Variants in ACBD6 observed in about 807,000 individuals in gnomAD.
The protein encoded by ACBD6 is acyl-CoA binding domain containing 6, also known as acyl-CoA-binding domain-containing protein 6.
Under a neutral mutation model 37.2 loss-of-function variants are expected in ACBD6, and 28 were observed. The observed-to-expected ratio is 0.75, with a 90% confidence interval of 0.56 to 1.03. The LOEUF (loss-of-function observed/expected upper bound fraction) is 1.03. Among genes scored for constraint, ACBD6 ranks in the 50% least tolerant of loss-of-function variants. The pLI is 0.00. For missense variants in ACBD6, 340 were observed against 337.4 expected (o/e 1.01, Z -0.06); for synonymous variants, 113 against 126.8 (o/e 0.89, Z 0.73).
At chr1:180,426,546 C>G (rs949768836) in intron 4 of ACBD6, among the ~76,000 whole-genome samples, 2 of 152,134 alleles carry the variant, frequency 1.3e-5, no homozygotes, top group Non-Finnish European at 2.9e-5. Flanking sequence ...TTGTTACTCT[C>G]GTTTCTATAG....
At chr1:180,379,462 T>A (rs1362741402) in intron 6 of ACBD6, among the ~76,000 whole-genome samples, 1 of 151,890 alleles carries the variant, frequency 6.6e-6, no homozygotes, top group Non-Finnish European at 1.5e-5. Flanking sequence ...CTAAATAAGC[T>A]CAGTGAAATA....
At position 180,357,806 on chromosome 1, in the gene ACBD6, G is replaced by A. The variant is rs1009324666; in HGVS notation, c.663+39710C>T. Among the ~76,000 whole-genome samples, 3 of 152,282 alleles carry A rather than the reference G, an allele frequency of 2.0e-5. No homozygotes were observed. In the South Asian group the frequency reaches 6.2e-4, roughly 32 times the overall value. On this transcript the variant is annotated intron_variant, in intron 6 of 7. Transcript: ENST00000367595. ...AAGAAGCAGAACTGCTTCCCTACAG[G>A]TGAAAGACTTGGCAAGACTTTCATG...
chr1:180,297,505 A>G (rs1649966033), intron 7 of ACBD6, among the ~76,000 whole-genome samples: 1 of 152,144 alleles, frequency 6.6e-6, no homozygotes, highest in Admixed American at 6.5e-5. Context: ...GGAGAATAGG[A>G]GAAAACATAG....
At chr1:180,305,674 C>T (rs567561878) in intron 7 of ACBD6, among the ~76,000 whole-genome samples, 1 of 152,262 alleles carries the variant, frequency 6.6e-6, no homozygotes, top group East Asian at 1.9e-4. Context: ...CTGGTTCAAC[C>T]ATTGTGGAAG....
At chr1:180,478,775 C>T (rs1650899031) in intron 3 of ACBD6, among the ~76,000 whole-genome samples, 1 of 152,068 alleles carries the variant, frequency 6.6e-6, no homozygotes, top group South Asian at 2.1e-4. Flanking sequence ...TGAGTCACCA[C>T]ACCCAGCCTA....
intron 6 of ACBD6, among the ~76,000 whole-genome samples, chr1:180,318,609 T>C (rs1279418003): frequency 6.6e-6 from 1 of 152,186 alleles, no homozygotes; most frequent in Non-Finnish European, 1.5e-5. Context: ...GTTGACTTCT[T>C]AGCGGGATTT....
At chr1:180,415,683 C>T (rs1175984985) in intron 4 of ACBD6, among the ~76,000 whole-genome samples, 2 of 152,146 alleles carry the variant, frequency 1.3e-5, no homozygotes, top group Non-Finnish European at 2.9e-5. Context: ...ATGTGGGTTA[C>T]GCATACCCAG....
intron 3 of ACBD6, among the ~76,000 whole-genome samples, chr1:180,482,763 A>G (rs1313448978): frequency 6.6e-6 from 1 of 152,180 alleles, no homozygotes; most frequent in Non-Finnish European, 1.5e-5. Flanking sequence ...AACTTTTTTA[A>G]AAGAAGAATT....
chr1:180,308,181 A>T (rs1367705723), intron 7 of ACBD6, among the ~76,000 whole-genome samples: 1 of 152,016 alleles, frequency 6.6e-6, no homozygotes, highest in Non-Finnish European at 1.5e-5. Context: ...TTCTCTTCCA[A>T]ATCTGCCTGT....
At chr1:180,481,244 G>GA (rs1183949420) in intron 3 of ACBD6, among the ~76,000 whole-genome samples, 1 of 108,946 alleles carries the variant, frequency 9.2e-6, no homozygotes, top group Non-Finnish European at 2.3e-5. Context: ...GCTTGTTTTT[G>GA]ATTTTTTTTT....
In ACBD6 at chr1:180,307,870, G is replaced by A. The variant is rs577444315; in HGVS notation, c.694+6822C>T. Among the ~76,000 whole-genome samples, 7 of 152,268 alleles carry A rather than the reference G, an allele frequency of 4.6e-5. No homozygotes were observed. In the East Asian group the frequency reaches 1.2e-3, roughly 25 times the overall value. On this transcript the variant is annotated intron_variant, in intron 7 of 7. Coordinates refer to ENST00000367595, the MANE Select transcript of ACBD6 (RefSeq NM_032360.4). ...TTCTGGAGGGTGAGGCAGGAGACTCGCTTGAACCTGGGAGGCGGAGGGTGC... is the reference window on the plus strand; with the variant it reads ...TTCTGGAGGGTGAGGCAGGAGACTCACTTGAACCTGGGAGGCGGAGGGTGC...
chr1:180,366,821 C>G (rs946824515), intron 6 of ACBD6, among the ~76,000 whole-genome samples: 1 of 152,098 alleles, frequency 6.6e-6, no homozygotes, highest in Non-Finnish European at 1.5e-5. Context: ...GAACTTATTA[C>G]TATATCCTCA....
intron 5 of ACBD6, among the ~76,000 whole-genome samples, chr1:180,404,161 A>C (rs1203363420): frequency 6.6e-6 from 1 of 151,798 alleles, no homozygotes; most frequent in Non-Finnish European, 1.5e-5. Flanking sequence ...ATGTTGGCCA[A>C]GCTGGTCTCA....
intron 7 of ACBD6, among the ~76,000 whole-genome samples, chr1:180,291,504 C>T (rs2149278348): frequency 6.6e-6 from 1 of 152,246 alleles, no homozygotes; most frequent in Non-Finnish European, 1.5e-5. Flanking sequence ...TGCCAACTAT[C>T]TATCTTTGGT....
chr1:180,413,100 T>A (rs1235825184), intron 5 of ACBD6, among the ~76,000 whole-genome samples: 1 of 152,216 alleles, frequency 6.6e-6, no homozygotes, highest in Non-Finnish European at 1.5e-5. Context: ...ATTATGCGAA[T>A]AATCTCTCCC....
intron 3 of ACBD6, among the ~76,000 whole-genome samples, chr1:180,460,179 G>C (rs1241706054): frequency 6.7e-6 from 1 of 149,952 alleles, no homozygotes; most frequent in Non-Finnish European, 1.5e-5. Context: ...CCTTAAGTGG[G>C]TCCCCCATCT....
At chr1:180,346,677 G>A (rs534255331) in intron 6 of ACBD6, among the ~76,000 whole-genome samples, 37 of 152,286 alleles carry the variant, frequency 2.4e-4, no homozygotes, top group Middle Eastern at 3.4e-3. Flanking sequence ...TTGACCCATG[G>A]AGACTGTGAG....
rs537325204 is a variant in ACBD6, at chr1:180,449,660, G to A, written c.385-19398C>T. ...TGACCTCAAGTGATCTGCCCTCCTC[G>A]GCCTCCCAAACCAAACACCGCATGT... On this transcript the variant is annotated intron_variant, in intron 3 of 7. Transcript: ENST00000367595. Among the ~76,000 whole-genome samples the A allele has an allele frequency of 9.8e-4, 149 of 151,738 alleles. 1 individual carries two copies. The highest frequency in any genetic ancestry group is 3.5e-3 in the African/African-American group (144 of 41,402).
chr1:180,473,598 TAA>T (rs1458993365), intron 3 of ACBD6, among the ~76,000 whole-genome samples: 1 of 152,168 alleles, frequency 6.6e-6, no homozygotes, highest in Non-Finnish European at 1.5e-5. Flanking sequence ...TCAAAAACTG[TAA>T]AAAGAGATAA....
Sources: gnomAD v4.1 joint callset for allele counts (sites outside exome capture counted in the v4.1 genomes callset) on GRCh38, gnomAD v4.1.1 for gene constraint, MANE v1.5 for transcripts, NCBI Gene and HGNC (gene_info 2026-07-23, HGNC 2026-07-21) for gene names.